MED23: variants seen among roughly 807,000 people sequenced by gnomAD.
MED23 encodes mediator of RNA polymerase II transcription subunit 23.
In MED23, 105 loss-of-function variants were observed where a neutral mutation model predicts 163.9. The observed-to-expected ratio is 0.64, with a 90% CI of 0.55 to 0.75. MED23 has a LOEUF of 0.75. Ranked by LOEUF, MED23 falls within the 30% of genes least tolerant of loss-of-function variation. MED23 has a pLI of 0.00. For missense variants in MED23, 1,054 were observed against 1,649.0 expected, an observed-to-expected ratio of 0.64 and a Z score of 6.25; for synonymous variants, 561 against 565.6, an observed-to-expected ratio of 0.99 and a Z score of 0.12.
intron 4 of MED23, among the ~76,000 whole-genome samples, chr6:131,624,117 C>T (rs892040768): frequency 6.6e-6 from 1 of 152,192 alleles, no homozygotes. Flanking sequence ...ATTTTTCCAA[C>T]AGGATGGCAA....
intron 8 of MED23, 71 bp downstream of exon 8, chr6:131,619,756 C>T (rs12526077): frequency 0.031 from 36,906 of 1,187,250 alleles, 724 homozygotes; most frequent in Non-Finnish European, 0.036. Flanking sequence ...GAGAACATCC[C>T]TCAGCTTTGT....
At chr6:131,614,543 C>CTT (rs1776522824) in intron 10 of MED23, among the ~76,000 whole-genome samples, 1 of 152,122 alleles carries the variant, frequency 6.6e-6, no homozygotes, top group East Asian at 1.9e-4. Context: ...CTGGAACAGA[C>CTT]TTGGGACTGT....
At chr6:131,599,904 C>T (rs1418072607) in intron 18 of MED23, 134 bp downstream of exon 18, 18 of 1,098,060 alleles carry the variant, frequency 1.6e-5, no homozygotes, top group Non-Finnish European at 2.4e-5. Flanking sequence ...CCACCATGCC[C>T]AGCCCCTAAA....
intron 6 of MED23, 49 bp downstream of exon 6, chr6:131,621,832 T>TA: frequency 7.6e-7 from 1 of 1,315,010 alleles, no homozygotes; most frequent in South Asian, 1.3e-5. Flanking sequence ...TAAACAAAGC[T>TA]AGACTTTTTT....
At chr6:131,626,122 CAAAA>C (rs138561737) in intron 3 of MED23, among the ~76,000 whole-genome samples, 4 of 59,692 alleles carry the variant, frequency 6.7e-5, no homozygotes, top group Non-Finnish European at 7.9e-5. Flanking sequence ...ACTCTGTCTC[CAAAA>C]AAAAAAAAAA....
intron 10 of MED23, among the ~76,000 whole-genome samples, chr6:131,614,005 T>C (rs1776469572): frequency 6.6e-6 from 1 of 152,180 alleles, no homozygotes; most frequent in African/African-American, 2.4e-5. Flanking sequence ...GACTTAAGGT[T>C]CACTGTAAAA....
At chr6:131,601,337 T>C (rs1775464270) in intron 17 of MED23, among the ~76,000 whole-genome samples, 1 of 152,206 alleles carries the variant, frequency 6.6e-6, no homozygotes, top group Non-Finnish European at 1.5e-5. Flanking sequence ...ATAAACAAAA[T>C]GTCAACGTTT....
chr6:131,602,623 A>C (rs1775569187), intron 16 of MED23, among the ~76,000 whole-genome samples: 1 of 152,212 alleles, frequency 6.6e-6, no homozygotes, highest in Non-Finnish European at 1.5e-5. Flanking sequence ...GGACTAAAAA[A>C]TTTCACCTGG....
At position 131,590,397 on chromosome 6, in the gene MED23, C is replaced by T; in HGVS notation, c.3732G>A (p.Gln1244=). 1 of 1,609,118 alleles carries T rather than the reference C, an allele frequency of 6.2e-7. No individual in the cohort carries two copies. The highest frequency in any genetic ancestry group is 8.5e-7 in the Non-Finnish European group (1 of 1,175,714). Residue 1244 remains glutamine, a synonymous_variant, in exon 27 of 29, where the codon CAG becomes CAA. Transcript: ENST00000368068. ...VLLPIVKTEF[Q]LLYVYHLVGP... ...CAACAAGATGGTATACATAAAGCAA[C>T]TGGAATTCGGTCTTCACTATAGGAA...
rs376046797 is a variant in MED23, at chr6:131,609,677, G to A, written c.1077+369C>T. Among the ~76,000 whole-genome samples the A allele has an allele frequency of 1.2e-4, 17 of 147,572 alleles. No individual in the cohort carries two copies. In the East Asian group the frequency reaches 2.4e-3, roughly 20 times the overall value. ...CTATTAAGATATAATCATGTTGTGT[G>A]TGTGTGTATGTATATACATACATAT... is the stretch of plus-strand genomic sequence containing the variant. On this transcript the variant is annotated intron_variant, in intron 11 of 28. Transcript: ENST00000368068.
chr6:131,622,286 G>A (rs932712258), intron 5 of MED23, among the ~76,000 whole-genome samples: 10 of 152,240 alleles, frequency 6.6e-5, no homozygotes, highest in Non-Finnish European at 1.5e-4. Flanking sequence ...TATACATATA[G>A]ACAGAAATAT....
Position 131,600,049 on chromosome 6 carries a change from C to T in MED23, c.2209G>A (p.Gly737Ser). The change falls in exon 18 of 29, where the codon GGC (glycine) becomes AGC (serine). Residue 737 changes from glycine (G) to serine (S), a missense_variant. This residue lies in a region of MED23 where 228 missense variants were observed against 461.3 expected (regional missense o/e 0.49). Coordinates refer to ENST00000368068, the MANE Select transcript of MED23 (RefSeq NM_004830.4). ...WASHTLSCFPGPLQAFFKQNN... is the reference protein window; with the variant it reads ...WASHTLSCFPSPLQAFFKQNN... ...CAAGACCAAATTACCTGTAGTGGGC[C>T]TGGAAAACAGCTCAGGGTGTGTGAA... 1 of 1,614,012 alleles carries T rather than the reference C, an allele frequency of 6.2e-7. No homozygotes were observed. The highest frequency in any genetic ancestry group is 8.5e-7 in the Non-Finnish European group (1 of 1,179,984).
chr6:131,582,595 A>G, downstream of MED23: 4 of 1,576,032 alleles, frequency 2.5e-6, no homozygotes, highest in Non-Finnish European at 3.5e-6. Flanking sequence ...ATCATACATA[A>G]CCAAGTGAAA....
intron 8 of MED23, 26 bp from the exon 9 acceptor site, chr6:131,618,545 A>C (rs1269167935): frequency 6.7e-7 from 1 of 1,486,220 alleles, no homozygotes; most frequent in African/African-American, 1.4e-5. Flanking sequence ...AAATGTTTTT[A>C]AGTAAATGTG....
At chr6:131,617,263 A>G (rs546332618) in intron 9 of MED23, among the ~76,000 whole-genome samples, 29 of 151,340 alleles carry the variant, frequency 1.9e-4, no homozygotes, top group African/African-American at 6.8e-4. Flanking sequence ...GATAGAGTCA[A>G]TGAAAGTTTT....
intron 10 of MED23, among the ~76,000 whole-genome samples, chr6:131,610,840 A>C (rs1776229622): frequency 6.6e-6 from 1 of 152,032 alleles, no homozygotes; most frequent in African/African-American, 2.4e-5. Flanking sequence ...CCACAAGAGG[A>C]AAAAAAATTG....
At position 131,589,632 on chromosome 6, in the gene MED23, C is replaced by CAA. The variant is rs151146987; in HGVS notation, c.3808-38_3808-37dup. 6.1e-3 allele frequency: 9,731 copies of CAA among 1,603,568 alleles called. 455 individuals are homozygous for CAA. In the African/African-American group the frequency reaches 0.11, roughly 18 times the overall value. ...AATAATGTAAAATTATTTAAGTGAT[C>CAA]AAGTGATTCAGTAATTCAGCATGAT... On this transcript the variant is annotated intron_variant, in intron 27 of 28. Transcript: ENST00000368068.
chr6:131,624,815 C>A, intron 4 of MED23, 50 bp downstream of exon 4: 1 of 1,605,982 alleles, frequency 6.2e-7, no homozygotes, highest in African/African-American at 1.3e-5. Context: ...AATTTCCAAT[C>A]ACATATAGAA....
In MED23 at chr6:131,594,389, G is replaced by A. The variant is rs142933203; in HGVS notation, c.2996-54C>T. The A allele has an allele frequency of 5.3e-5, 71 of 1,332,588 alleles. No homozygotes were observed. The East Asian group carries it at 1.6e-3, about 30-fold the overall frequency. 82.5% of individuals were successfully genotyped at this position (1,332,588 alleles called of 1,614,324 possible). ...TGTTTAACTGGTTACTAATAACTGTGAAAAACTGATCAACTGCTTTCCAGA... is the reference window on the plus strand; with the variant it reads ...TGTTTAACTGGTTACTAATAACTGTAAAAAACTGATCAACTGCTTTCCAGA... On this transcript the variant is annotated intron_variant, in intron 22 of 28. Coordinates refer to ENST00000368068, the MANE Select transcript of MED23 (RefSeq NM_004830.4).
Sources: allele counts gnomAD v4.1 joint callset (sites outside exome capture counted in the v4.1 genomes callset), GRCh38; gene constraint gnomAD v4.1.1; regional missense constraint gnomAD v4.1.1; transcripts MANE v1.5; gene names NCBI Gene and HGNC (gene_info 2026-07-23, HGNC 2026-07-21).